The following HERC4 variants were observed in gnomAD, a reference collection of about 807,000 sequenced individuals.
HERC4 encodes the protein probable E3 ubiquitin-protein ligase HERC4.
In HERC4, 28 loss-of-function variants were observed where a neutral mutation model predicts 124.3. The ratio of observed to expected loss-of-function variants is 0.23; its 90% CI spans 0.17 to 0.31. The LOEUF (loss-of-function observed/expected upper bound fraction) is 0.31, where lower values mean the gene tolerates loss of function less well. Ranked by LOEUF, HERC4 falls within the 10% of genes least tolerant of loss-of-function variation. The pLI is 1.00. For synonymous variants in HERC4, 407 were observed against 421.5 expected (o/e 0.97, Z 0.42); for missense variants, 713 against 1,229.3 (o/e 0.58, Z 6.28).
intron 9 of HERC4, chr10:68,010,934 C>T (rs1213391218): frequency 6.0e-6 from 7 of 1,174,868 alleles, no homozygotes; most frequent in Non-Finnish European, 8.6e-6. Flanking sequence ...CATTTTCAGG[C>T]TTTAGTTCTA....
At chr10:68,022,028 T>C (rs890829987) in intron 8 of HERC4, among the ~76,000 whole-genome samples, 8 of 152,132 alleles carry the variant, frequency 5.3e-5, no homozygotes, top group African/African-American at 1.9e-4. Context: ...GAAATAAAAT[T>C]TTATTTAAAA....
intron 21 of HERC4, among the ~76,000 whole-genome samples, chr10:67,936,709 G>A (rs2032395195): frequency 6.6e-6 from 1 of 152,058 alleles, no homozygotes; most frequent in Non-Finnish European, 1.5e-5. Context: ...ATAAAGATAG[G>A]CAGTTATTTT....
intron 16 of HERC4, among the ~76,000 whole-genome samples, chr10:67,959,627 AT>A (rs1442586769): frequency 6.6e-6 from 1 of 152,172 alleles, no homozygotes; most frequent in Non-Finnish European, 1.5e-5. Flanking sequence ...AATTGTTTTT[AT>A]TTGACAGAAA....
At chr10:68,025,486 A>T in intron 8 of HERC4, 60 bp downstream of exon 8, 2 of 1,503,468 alleles carry the variant, frequency 1.3e-6, no homozygotes, top group Non-Finnish European at 1.8e-6. Flanking sequence ...ACAATTCAAT[A>T]AGCAATCCCT....
chr10:68,048,570 T>C (rs571763371), intron 3 of HERC4, among the ~76,000 whole-genome samples: 60 of 152,294 alleles, frequency 3.9e-4, no homozygotes, highest in African/African-American at 1.3e-3. Context: ...CTACATGATA[T>C]TACAATGATG....
At chr10:68,021,401 T>C (rs1447901273) in intron 8 of HERC4, among the ~76,000 whole-genome samples, 2 of 152,350 alleles carry the variant, frequency 1.3e-5, no homozygotes, top group Non-Finnish European at 1.5e-5. Flanking sequence ...ATCATCTGAA[T>C]TGATGCAGAA....
chr10:67,978,078 C>T (rs2035704591), intron 15 of HERC4, among the ~76,000 whole-genome samples: 1 of 152,036 alleles, frequency 6.6e-6, no homozygotes, highest in Non-Finnish European at 1.5e-5. Context: ...GAGTTTGAGA[C>T]CAGCCTGGCC....
intron 23 of HERC4, among the ~76,000 whole-genome samples, chr10:67,927,430 A>ATATTTTT (rs1564911511): frequency 2.6e-5 from 1 of 37,924 alleles, no homozygotes; most frequent in African/African-American, 5.8e-5. Context: ...ATATATATAT[A>ATATTTTT]TTTTTTTTTT....
chr10:68,045,960 T>C (rs970151484), intron 3 of HERC4, among the ~76,000 whole-genome samples: 10 of 152,154 alleles, frequency 6.6e-5, no homozygotes, highest in Non-Finnish European at 1.5e-4. Context: ...CTATATAGCC[T>C]CTAGGAACCT....
At chr10:67,985,961 A>G (rs574358787) in intron 15 of HERC4, among the ~76,000 whole-genome samples, 96 of 152,360 alleles carry the variant, frequency 6.3e-4, no homozygotes, top group African/African-American at 2.3e-3. Context: ...ATTCTTAACC[A>G]TAGAGCAGAG....
intron 9 of HERC4, among the ~76,000 whole-genome samples, chr10:68,004,976 T>G (rs567707248): frequency 6.6e-5 from 10 of 152,354 alleles, no homozygotes; most frequent in African/African-American, 2.2e-4. Context: ...GTTTCATTCT[T>G]CTGCATATGG....
chr10:67,988,492 G>A (rs570431403), intron 15 of HERC4, among the ~76,000 whole-genome samples, 171 bp downstream of exon 15: 45 of 152,000 alleles, frequency 3.0e-4, no homozygotes, highest in Non-Finnish European at 5.6e-4. Context: ...GAGCTCCAAA[G>A]GACAGGTTTA....
intron 15 of HERC4, among the ~76,000 whole-genome samples, chr10:67,974,632 G>A (rs994528961): frequency 1.5e-4 from 23 of 151,994 alleles, no homozygotes; most frequent in African/African-American, 3.9e-4. Flanking sequence ...TAAAAGGATC[G>A]GTCTATATCT....
At chr10:68,054,349 G>A (rs929962194) in intron 3 of HERC4, among the ~76,000 whole-genome samples, 2 of 147,680 alleles carry the variant, frequency 1.4e-5, no homozygotes, top group African/African-American at 5.0e-5. Context: ...AGTATTTAAT[G>A]ATTTTTTTTT....
intron 3 of HERC4, among the ~76,000 whole-genome samples, chr10:68,046,758 G>C (rs1488665131): frequency 2.0e-5 from 3 of 152,194 alleles, no homozygotes; most frequent in Admixed American, 2.0e-4. Context: ...CTTGAACCCA[G>C]GAGTTTGAGA....
intron 3 of HERC4, among the ~76,000 whole-genome samples, chr10:68,064,960 G>C (rs1285403099): frequency 1.3e-5 from 2 of 150,408 alleles, no homozygotes; most frequent in Non-Finnish European, 3.0e-5. Context: ...GACAGAGCAA[G>C]GCTCCATCTC....
intron 4 of HERC4, among the ~76,000 whole-genome samples, chr10:68,042,605 A>T (rs1410731746): frequency 2.6e-5 from 4 of 152,234 alleles, no homozygotes; most frequent in Non-Finnish European, 5.9e-5. Flanking sequence ...CCTGGGTGAC[A>T]GAGTGAGACT....
chr10:68,046,705 A>T (rs2040028097), intron 3 of HERC4, among the ~76,000 whole-genome samples: 1 of 152,254 alleles, frequency 6.6e-6, no homozygotes, highest in Non-Finnish European at 1.5e-5. Context: ...GGTAGCTCAC[A>T]TCTATAATCC....
chr10:68,038,629 G>A (rs1176259439), intron 4 of HERC4, among the ~76,000 whole-genome samples: 1 of 152,142 alleles, frequency 6.6e-6, no homozygotes, highest in Non-Finnish European at 1.5e-5. Flanking sequence ...AGAACCAACA[G>A]GGATTCTTGT....
Sources: allele counts gnomAD v4.1 joint callset (sites outside exome capture counted in the v4.1 genomes callset), GRCh38; gene constraint gnomAD v4.1.1; transcripts MANE v1.5; gene names NCBI Gene and HGNC (gene_info 2026-07-23, HGNC 2026-07-21).